The following PCBP3 variants were observed in gnomAD, a reference collection of about 807,000 sequenced individuals.
The protein encoded by PCBP3 is poly(rC)-binding protein 3.
PCBP3 carries 25 observed loss-of-function variants against 52.7 expected under a neutral mutation model. The ratio of observed to expected loss-of-function variants is 0.47; its 90% CI spans 0.35 to 0.66. The LOEUF is 0.66. Among genes scored for constraint, PCBP3 ranks in the 30% least tolerant of loss-of-function variants. The probability of loss-of-function intolerance (pLI) is 0.01; values close to 1 mark genes in which losing one functional copy is unlikely to be tolerated. For missense variants in PCBP3, 391 were observed against 490.3 expected (o/e 0.80, Z 1.91); for synonymous variants, 162 against 183.0 (o/e 0.89, Z 0.93).
chr21:45,699,859 G>A (rs866142381), intron 2 of PCBP3, among the ~76,000 whole-genome samples: 6 of 152,226 alleles, frequency 3.9e-5, no homozygotes, highest in Middle Eastern at 6.8e-3. Flanking sequence ...GGAGTTTCGG[G>A]ACCTACAATT....
chr21:45,667,075 G>GTTCGTTCTTTCTTTCTTTCTTTCTTTCT (rs1357637647), intron 1 of PCBP3, among the ~76,000 whole-genome samples: 125 of 147,668 alleles, frequency 8.5e-4, no homozygotes, highest in African/African-American at 3.0e-3. Flanking sequence ...GCATCTGTTT[G>GTTCGTTCTTTCTTTCTTTCTTTCTTTCT]TTCTTTCTTT....
At chr21:45,795,315 C>CTTTT (rs34237544) in intron 4 of PCBP3, among the ~76,000 whole-genome samples, 1 of 145,460 alleles carries the variant, frequency 6.9e-6, no homozygotes, top group African/African-American at 2.5e-5. Flanking sequence ...TCTTCTTTTT[C>CTTTT]TTTTTTTTTT....
chr21:45,825,360 T>C (rs2093278809), intron 4 of PCBP3, among the ~76,000 whole-genome samples: 1 of 152,088 alleles, frequency 6.6e-6, no homozygotes, highest in African/African-American at 2.4e-5. Flanking sequence ...CTGATCGTCA[T>C]CTCTTAGGAA....
intron 2 of PCBP3, among the ~76,000 whole-genome samples, chr21:45,714,631 G>A (rs2084088009): frequency 6.6e-6 from 1 of 152,172 alleles, no homozygotes; most frequent in Non-Finnish European, 1.5e-5. Context: ...AAGTCAAATT[G>A]AAGAAGCCAG....
rs1363803383 is a variant in PCBP3 at position 45,737,687 on chromosome 21, C to T, written c.-162+2258C>T. On this transcript the variant is annotated intron_variant, in intron 3 of 17. Coordinates refer to ENST00000681687, the MANE Select transcript of PCBP3 (RefSeq NM_001384156.1). The surrounding 1 kb of genome is among the most constrained non-coding windows in gnomAD (Gnocchi z 4.9). The stretch of plus-strand genomic sequence containing the variant: ...TGCAGCAGGCAGATTCTGGAAATTC[C>T]CTGAGGCCTTCGTTCAGTACAGACA... 6.6e-6 allele frequency among the ~76,000 whole-genome samples: 1 copy of T among 152,188 alleles called. No homozygotes were observed. The highest frequency in any genetic ancestry group is 2.4e-5 in the African/African-American group (1 of 41,454).
At chr21:45,899,888 A>C (rs2095978784) in intron 7 of PCBP3, among the ~76,000 whole-genome samples, 1 of 152,156 alleles carries the variant, frequency 6.6e-6, no homozygotes, top group Admixed American at 6.5e-5. Flanking sequence ...CTTGGTGGCC[A>C]GTCCTTCTTT....
intron 4 of PCBP3, among the ~76,000 whole-genome samples, chr21:45,799,339 T>G (rs575574790): frequency 6.6e-6 from 1 of 152,360 alleles, no homozygotes; most frequent in South Asian, 2.1e-4. Context: ...TTCTGTGATT[T>G]CAGTCACCCA....
intron 2 of PCBP3, among the ~76,000 whole-genome samples, chr21:45,726,031 AG>A: frequency 6.6e-6 from 1 of 152,188 alleles, no homozygotes; most frequent in South Asian, 2.1e-4. Context: ...ACTGGGGTGC[AG>A]GTTTGGTACG....
intron 4 of PCBP3, among the ~76,000 whole-genome samples, chr21:45,772,249 C>G (rs919200488): frequency 6.6e-6 from 1 of 152,126 alleles, no homozygotes. Flanking sequence ...TAGTATTTAT[C>G]TTTCCATTGT....
At chr21:45,815,178 GGTGA>G (rs1174816475) in intron 4 of PCBP3, among the ~76,000 whole-genome samples, 1 of 63,874 alleles carries the variant, frequency 1.6e-5, no homozygotes, top group Non-Finnish European at 3.1e-5. Flanking sequence ...AGTGGTGAGT[GGTGA>G]GTGAGTGGTG....
intron 1 of PCBP3, among the ~76,000 whole-genome samples, chr21:45,652,316 A>G (rs2146857466): frequency 6.6e-6 from 1 of 152,326 alleles, no homozygotes; most frequent in South Asian, 2.1e-4. Flanking sequence ...GAAAATTTCT[A>G]AAGGAAAGAT....
intron 4 of PCBP3, among the ~76,000 whole-genome samples, chr21:45,834,118 C>T (rs1024824197): frequency 5.9e-5 from 9 of 152,046 alleles, no homozygotes; most frequent in Admixed American, 3.3e-4. Context: ...CTGAGACTGC[C>T]ACCGATTCAC....
chr21:45,931,910 A>G (rs2076248018), intron 15 of PCBP3, among the ~76,000 whole-genome samples: 1 of 148,704 alleles, frequency 6.7e-6, no homozygotes, highest in Non-Finnish European at 1.5e-5. Flanking sequence ...GAGATGAACA[A>G]ACACCCGGGC....
intron 4 of PCBP3, among the ~76,000 whole-genome samples, chr21:45,784,333 C>CAGCTCTAGCTCT (rs879740407): frequency 9.2e-5 from 10 of 108,196 alleles, no homozygotes; most frequent in Non-Finnish European, 1.2e-4. Flanking sequence ...TTAATAGTGA[C>CAGCTCTAGCTCT]AGCTCTACCT....
chr21:45,880,702 C>T lies in PCBP3; in HGVS notation c.11-15506C>T, dbSNP rs2095380822. ...CCAGGGTGGCCCCAGGTGACTGCAG[C>T]AGGGCCAGGAGAGACGGGGTTGTAG... On this transcript the variant is annotated intron_variant, in intron 5 of 17. Coordinates refer to ENST00000681687, the MANE Select transcript of PCBP3 (RefSeq NM_001384156.1). The surrounding 1 kb of genome is among the most constrained non-coding windows in gnomAD (Gnocchi z 5.4). 6.6e-6 allele frequency among the ~76,000 whole-genome samples: 1 copy of T among 152,086 alleles called. No individual in the cohort carries two copies. The highest frequency in any genetic ancestry group is 2.4e-5 in the African/African-American group (1 of 41,390).
chr21:45,898,812 T>G (rs1340995360), intron 6 of PCBP3, among the ~76,000 whole-genome samples: 3 of 123,720 alleles, frequency 2.4e-5, no homozygotes, highest in African/African-American at 3.7e-5. Context: ...TCCCTCTCTC[T>G]CCACGGGCCC....
chr21:45,863,871 T>G (rs79765112), intron 5 of PCBP3, among the ~76,000 whole-genome samples: 3,814 of 152,234 alleles, frequency 0.025, 145 homozygotes, highest in African/African-American at 0.085. Flanking sequence ...CTTGGTTGAC[T>G]GTCGGGGAAA....
At chr21:45,703,326 G>A (rs1228995117) in intron 2 of PCBP3, among the ~76,000 whole-genome samples, 1 of 152,190 alleles carries the variant, frequency 6.6e-6, no homozygotes, top group Non-Finnish European at 1.5e-5. Context: ...GGCAGCTATA[G>A]CCTTACAAAA....
intron 2 of PCBP3, among the ~76,000 whole-genome samples, chr21:45,727,463 C>T (rs555235487): frequency 7.9e-5 from 12 of 152,318 alleles, no homozygotes; most frequent in African/African-American, 2.6e-4. Context: ...AGCAGGAGCA[C>T]GGCTGCCAGG....
Sources: allele counts gnomAD v4.1 joint callset (sites outside exome capture counted in the v4.1 genomes callset), GRCh38; gene constraint gnomAD v4.1.1; non-coding constraint Gnocchi (gnomAD v3.1); transcripts MANE v1.5; gene names NCBI Gene and HGNC (gene_info 2026-07-23, HGNC 2026-07-21).